Variants in MYO1H observed in about 807,000 individuals in gnomAD.
The protein encoded by MYO1H is myosin IH.
A neutral mutation model predicts 149.3 loss-of-function variants in MYO1H; 118 were observed. The ratio of observed to expected loss-of-function variants is 0.79; its 90% confidence interval spans 0.68 to 0.92. The LOEUF (loss-of-function observed/expected upper bound fraction) is 0.92. Among genes scored for constraint, MYO1H ranks in the 40% least tolerant of loss-of-function variants. MYO1H has a pLI of 0.00. For synonymous variants in MYO1H, 447 were observed against 465.2 expected (o/e 0.96, Z 0.50); for missense variants, 1,212 against 1,280.7 (o/e 0.95, Z 0.82).
chr12:109,382,318 T>A (rs1869220090), intron 1 of MYO1H, among the ~76,000 whole-genome samples: 1 of 152,144 alleles, frequency 6.6e-6, no homozygotes, highest in African/African-American at 2.4e-5. Flanking sequence ...TCCTTAAGAA[T>A]GCAATTAACA....
intron 1 of MYO1H, among the ~76,000 whole-genome samples, chr12:109,385,923 A>G (rs1407980486): frequency 6.6e-6 from 1 of 152,178 alleles, no homozygotes; most frequent in African/African-American, 2.4e-5. Context: ...AAATGCACAC[A>G]ATTTTAACAG....
At chr12:109,356,028 C>T (rs912962579) in intron 1 of MYO1H, among the ~76,000 whole-genome samples, 1 of 152,048 alleles carries the variant, frequency 6.6e-6, no homozygotes, top group African/African-American at 2.4e-5. Context: ...ACAGCCTTAG[C>T]TTTAAGTGGT....
rs373555085 is a variant in MYO1H at position 109,407,894 on chromosome 12, A to G, written c.1136A>G (p.Asn379Ser). The change falls in exon 10 of 32, where the codon AAT becomes AGT. Residue 379 changes from asparagine (N) to serine (S), a missense_variant. Asn to Ser is a conservative substitution (Grantham distance 46). Transcript: ENST00000310903. ...TTTACTTGGCTGGTCAACAAAATCA[A>G]TTCCTCCTTAGTTAACAAGGTTGGT... 47 of 1,613,882 alleles carry G rather than the reference A, an allele frequency of 2.9e-5. No homozygotes were observed. The highest frequency in any genetic ancestry group is 3.3e-4 in the Middle Eastern group (2 of 6,084).
At chr12:109,447,177 T>C in exon 32 of MYO1H, 1 of 1,598,882 alleles carries the variant, frequency 6.3e-7, no homozygotes, top group Non-Finnish European at 8.5e-7. Flanking sequence ...CCGGAGGAAG[T>C]CCTGATAGAG....
intron 1 of MYO1H, among the ~76,000 whole-genome samples, chr12:109,385,208 C>T (rs1294676726): frequency 6.6e-6 from 1 of 151,874 alleles, no homozygotes; most frequent in Admixed American, 6.6e-5. Context: ...GCTCGTGTTC[C>T]AACGTCTTAA....
intron 27 of MYO1H, among the ~76,000 whole-genome samples, chr12:109,443,081 CGTAT>C (rs1380953654): frequency 1.6e-4 from 6 of 38,514 alleles, no homozygotes; most frequent in African/African-American, 5.5e-4. Context: ...TATATGTGTA[CGTAT>C]GTGTGTATAT....
chr12:109,327,122 C>CTTTT, the MYO1H span, among the ~76,000 whole-genome samples: 1,723 of 110,824 alleles, frequency 0.016, 234 homozygotes, highest in Non-Finnish European at 0.022. Context: ...TTTTCTTTTT[C>CTTTT]TTTTTCTTTT....
At chr12:109,425,993 C>T (rs377476495) in exon 18 of MYO1H, 26 of 1,613,808 alleles carry the variant, frequency 1.6e-5, no homozygotes, top group African/African-American at 6.7e-5. Flanking sequence ...TAGAAACCCT[C>T]ATCTCTAAGG....
rs1255528107 is a variant in MYO1H, at chr12:109,401,279, A to G, written c.750+7A>G. 1 of 1,606,180 alleles carries G rather than the reference A, an allele frequency of 6.2e-7. No individual in the cohort carries two copies. Among genetic ancestry groups the G allele is most frequent in the African/African-American group, 1.3e-5 (1 of 74,796 alleles). On this transcript the variant is annotated splice_region_variant and intron_variant, in intron 6 of 31. Transcript: ENST00000310903. ...GTATAAATACCTCTCACAGGTGGGAAGGACCAGCACCTGGCTTTGGTGACT... is the reference window on the plus strand; with the variant it reads ...GTATAAATACCTCTCACAGGTGGGAGGGACCAGCACCTGGCTTTGGTGACT...
chr12:109,324,064 T>C, the MYO1H span, among the ~76,000 whole-genome samples: 1 of 151,290 alleles, frequency 6.6e-6, no homozygotes, highest in Non-Finnish European at 1.5e-5. Flanking sequence ...TGGTCTTCAA[T>C]GTCTGGGACC....
chr12:109,393,422 A>G (rs764228114), exon 3 of MYO1H: 65 of 1,583,166 alleles, frequency 4.1e-5, no homozygotes, highest in East Asian at 1.8e-4. Flanking sequence ...CAAGGGGTCA[A>G]TTTCTTTGAA....
intron 24 of MYO1H, 85 bp downstream of exon 24, chr12:109,439,875 C>T: frequency 7.7e-7 from 1 of 1,296,870 alleles, no homozygotes; most frequent in Non-Finnish European, 1.1e-6. Context: ...GTGCTGCCTC[C>T]CTTTGGCTTG....
At chr12:109,385,225 T>C (rs568084767) in intron 1 of MYO1H, among the ~76,000 whole-genome samples, 15 of 152,332 alleles carry the variant, frequency 9.8e-5, no homozygotes, top group Admixed American at 8.5e-4. Context: ...TTAATCATTA[T>C]GCTATGCTAT....
intron 1 of MYO1H, among the ~76,000 whole-genome samples, chr12:109,385,081 AC>A (rs1436241203): frequency 6.6e-6 from 1 of 152,174 alleles, no homozygotes; most frequent in East Asian, 1.9e-4. Flanking sequence ...GAAACTGACA[AC>A]CCTATGAGGT....
chr12:109,314,810 AAAG>A, the MYO1H span, among the ~76,000 whole-genome samples: 2 of 152,308 alleles, frequency 1.3e-5, no homozygotes, highest in Admixed American at 1.3e-4. Flanking sequence ...CAGAAAAAGT[AAAG>A]AATAATCAAG....
upstream of MYO1H, among the ~76,000 whole-genome samples, chr12:109,347,603 CT>C (rs1176385475): frequency 3.4e-5 from 5 of 145,376 alleles, no homozygotes; most frequent in East Asian, 2.0e-4. Flanking sequence ...TTCTTTTTTT[CT>C]TTTTTTTTAA....
chr12:109,427,551 T>A (rs1871404700), exon 19 of MYO1H: 1 of 1,612,922 alleles, frequency 6.2e-7, no homozygotes, highest in African/African-American at 1.3e-5. Context: ...GGGCTGGTTT[T>A]GCATACCGAA....
intron 3 of MYO1H, 140 bp downstream of exon 3, chr12:109,393,586 T>C (rs1345708486): frequency 1.9e-5 from 12 of 643,668 alleles, no homozygotes; most frequent in Non-Finnish European, 3.4e-5. Context: ...CGCCCACCCA[T>C]CCATTCATCC....
chr12:109,359,070 G>C (rs532362592), intron 1 of MYO1H, among the ~76,000 whole-genome samples: 1 of 152,058 alleles, frequency 6.6e-6, no homozygotes, highest in South Asian at 2.1e-4. Flanking sequence ...CTGTGCCCGG[G>C]AGATGGCCTT....
Sources: gnomAD v4.1 joint callset for allele counts (sites outside exome capture counted in the v4.1 genomes callset) on GRCh38, gnomAD v4.1.1 for gene constraint, MANE v1.5 for transcripts, NCBI Gene and HGNC (gene_info 2026-07-23, HGNC 2026-07-21) for gene names.